NRXN3: variants seen among roughly 807,000 people sequenced by gnomAD.
The protein encoded by NRXN3 is neurexin 3, also known as neurexin III.
NRXN3 carries 32 observed loss-of-function variants against 137.6 expected under a neutral mutation model. That is an observed-to-expected ratio of 0.23 (90% CI 0.18 to 0.31). NRXN3 has a LOEUF of 0.31. Ranked by LOEUF, NRXN3 falls within the 10% of genes least tolerant of loss-of-function variation. The probability of loss-of-function intolerance (pLI) is 1.00; values close to 1 mark genes in which losing one functional copy is unlikely to be tolerated. For synonymous variants in NRXN3, 798 were observed against 784.5 expected, an observed-to-expected ratio of 1.02 and a Z score of -0.29; for missense variants, 1,574 against 2,062.5, an observed-to-expected ratio of 0.76 and a Z score of 4.59.
intron 16 of NRXN3, among the ~76,000 whole-genome samples, chr14:79,487,817 G>A (rs2096671712): frequency 6.6e-6 from 1 of 152,166 alleles, no homozygotes; most frequent in Admixed American, 6.5e-5. Context: ...ATGATAAGGA[G>A]CTGGCTGGCT....
chr14:78,380,963 A>G (rs1316171097), intron 4 of NRXN3, among the ~76,000 whole-genome samples: 3 of 152,194 alleles, frequency 2.0e-5, no homozygotes. Flanking sequence ...AAAGGGATAG[A>G]CACACCGATG....
At chr14:79,810,111 A>G (rs1343066828) in intron 20 of NRXN3, among the ~76,000 whole-genome samples, 1 of 152,168 alleles carries the variant, frequency 6.6e-6, no homozygotes, top group East Asian at 1.9e-4. Flanking sequence ...CTTTTGTATA[A>G]TTAGATATGA....
At chr14:79,034,349 T>C (rs1404828662) in intron 15 of NRXN3, among the ~76,000 whole-genome samples, 1 of 144,426 alleles carries the variant, frequency 6.9e-6, no homozygotes, top group Non-Finnish European at 1.5e-5. Context: ...TCTTATTTCT[T>C]ACACACACAC....
intron 4 of NRXN3, among the ~76,000 whole-genome samples, chr14:78,302,681 A>G (rs1438488822): frequency 1.3e-5 from 2 of 152,210 alleles, no homozygotes; most frequent in African/African-American, 2.4e-5. Flanking sequence ...CCTTCATGTC[A>G]TCTGCCCACA....
At chr14:79,342,862 T>C (rs1365823134) in intron 15 of NRXN3, among the ~76,000 whole-genome samples, 5 of 152,200 alleles carry the variant, frequency 3.3e-5, no homozygotes, top group Non-Finnish European at 7.3e-5. Context: ...GGGAAATTCA[T>C]GCAGAGCCGG....
At chr14:79,575,159 G>A (rs368593255) in intron 16 of NRXN3, among the ~76,000 whole-genome samples, 8 of 152,238 alleles carry the variant, frequency 5.3e-5, no homozygotes, top group East Asian at 1.9e-4. Flanking sequence ...TAGTATAGGC[G>A]GAAAACACCA....
At chr14:78,665,482 C>T (rs776983898) in intron 6 of NRXN3, among the ~76,000 whole-genome samples, 2 of 152,140 alleles carry the variant, frequency 1.3e-5, no homozygotes, top group African/African-American at 2.4e-5. Flanking sequence ...ATTCAATTAC[C>T]TCCCACCGGG....
chr14:79,041,523 T>C (rs946248701), intron 15 of NRXN3, among the ~76,000 whole-genome samples: 1 of 152,238 alleles, frequency 6.6e-6, no homozygotes, highest in Non-Finnish European at 1.5e-5. Flanking sequence ...TGTCTTAATA[T>C]AGCCTTGGGT....
chr14:79,717,656 T>C (rs973920337), intron 19 of NRXN3, among the ~76,000 whole-genome samples: 47 of 152,350 alleles, frequency 3.1e-4, no homozygotes, highest in African/African-American at 1.1e-3. Flanking sequence ...CTCCGTGGGC[T>C]CTTTAGAAGA....
chr14:79,602,094 A>G (rs1020656890), intron 16 of NRXN3, among the ~76,000 whole-genome samples: 11 of 152,214 alleles, frequency 7.2e-5, no homozygotes, highest in African/African-American at 2.2e-4. Context: ...TACCTGTAAG[A>G]TATTACATAC....
intron 16 of NRXN3, among the ~76,000 whole-genome samples, chr14:79,528,666 A>G (rs974419901): frequency 2.7e-5 from 4 of 150,776 alleles, no homozygotes; most frequent in Non-Finnish European, 4.4e-5. Context: ...GGTAAAAAAA[A>G]AAAGTAGTTT....
intron 15 of NRXN3, among the ~76,000 whole-genome samples, chr14:79,094,303 T>C (rs1470375278): frequency 1.3e-5 from 2 of 152,176 alleles, no homozygotes; most frequent in Non-Finnish European, 2.9e-5. Context: ...GTATCCTCTG[T>C]TTTAGCCTTC....
chr14:79,714,220 T>A (rs566083295), intron 19 of NRXN3, among the ~76,000 whole-genome samples: 4 of 152,200 alleles, frequency 2.6e-5, no homozygotes, highest in Non-Finnish European at 5.9e-5. Context: ...CAGTACACAA[T>A]TCCAATAGGA....
chr14:78,280,505 G>A (rs74065971), intron 3 of NRXN3, among the ~76,000 whole-genome samples: 1 of 152,134 alleles, frequency 6.6e-6, no homozygotes. Flanking sequence ...ACCTCGTTTT[G>A]TTTGTAAAGT....
At chr14:79,714,216 A>G (rs999327466) in intron 19 of NRXN3, among the ~76,000 whole-genome samples, 2 of 152,240 alleles carry the variant, frequency 1.3e-5, no homozygotes, top group Non-Finnish European at 2.9e-5. Context: ...CTATCAGTAC[A>G]CAATTCCAAT....
chr14:78,624,615 C>A (rs1280547558), intron 4 of NRXN3, among the ~76,000 whole-genome samples: 1 of 152,048 alleles, frequency 6.6e-6, no homozygotes, highest in Non-Finnish European at 1.5e-5. Context: ...AATTGCAGGA[C>A]CAAGCAAGGT....
At chr14:78,223,345 G>A (rs2064079321) in intron 1 of NRXN3, among the ~76,000 whole-genome samples, 1 of 152,052 alleles carries the variant, frequency 6.6e-6, no homozygotes, top group Non-Finnish European at 1.5e-5. Context: ...TTGCCTTCAG[G>A]GCATTTTGTG....
intron 4 of NRXN3, among the ~76,000 whole-genome samples, chr14:78,326,019 T>C (rs968930082): frequency 3.3e-5 from 5 of 152,174 alleles, no homozygotes; most frequent in Non-Finnish European, 7.4e-5. Context: ...ACCCCCTTAG[T>C]CCTGGGCAAA....
intron 14 of NRXN3, among the ~76,000 whole-genome samples, chr14:78,976,575 G>A (rs1043977855): frequency 1.1e-4 from 16 of 152,068 alleles, no homozygotes; most frequent in African/African-American, 1.4e-4. Flanking sequence ...CATTTTCTCC[G>A]AAACTGAAGA....
Sources: allele counts gnomAD v4.1 joint callset (sites outside exome capture counted in the v4.1 genomes callset), GRCh38; gene constraint gnomAD v4.1.1; transcripts MANE v1.5; gene names NCBI Gene and HGNC (gene_info 2026-07-23, HGNC 2026-07-21).